The following TAFA1 variants were observed in gnomAD, a reference collection of about 807,000 sequenced individuals.
TAFA1 encodes chemokine-like protein TAFA-1.
In TAFA1, 4 loss-of-function variants were observed where a neutral mutation model predicts 18.5. The ratio of observed to expected loss-of-function variants is 0.22; its 90% confidence interval spans 0.11 to 0.49. The LOEUF (loss-of-function observed/expected upper bound fraction) is 0.49, where lower values mean the gene tolerates loss of function less well. TAFA1 is among the 20% of genes least tolerant of loss of function. The probability of loss-of-function intolerance (pLI) is 0.98; values close to 1 mark genes in which losing one functional copy is unlikely to be tolerated. For synonymous variants in TAFA1, 56 were observed against 55.2 expected, an observed-to-expected ratio of 1.01 and a Z score of -0.06; for missense variants, 147 against 169.0, an observed-to-expected ratio of 0.87 and a Z score of 0.72.
intron 2 of TAFA1, among the ~76,000 whole-genome samples, chr3:68,230,606 T>G (rs1442166576): frequency 1.3e-5 from 2 of 152,212 alleles, no homozygotes; most frequent in South Asian, 2.1e-4. Context: ...CTCTTCAATA[T>G]AGTGATTTTC....
At chr3:68,538,159 T>A (rs973569119) in intron 3 of TAFA1, among the ~76,000 whole-genome samples, 7 of 152,086 alleles carry the variant, frequency 4.6e-5, no homozygotes, top group African/African-American at 1.7e-4. Context: ...AATGCAAAAG[T>A]CTGAAAAAAT....
intron 3 of TAFA1, among the ~76,000 whole-genome samples, chr3:68,519,069 A>T (rs1207530102): frequency 6.6e-6 from 1 of 152,196 alleles, no homozygotes; most frequent in Non-Finnish European, 1.5e-5. Context: ...CTATAATACA[A>T]TATGTAAAAG....
the TAFA1 span, among the ~76,000 whole-genome samples, chr3:67,991,608 G>C: frequency 1.3e-5 from 2 of 152,154 alleles, no homozygotes; most frequent in African/African-American, 4.8e-5. Context: ...AGAACCCCAG[G>C]CTCTCCAGCC....
chr3:68,516,342 T>G (rs1011802063), intron 3 of TAFA1, among the ~76,000 whole-genome samples: 1 of 152,206 alleles, frequency 6.6e-6, no homozygotes. Flanking sequence ...GATACTAGAT[T>G]GATGACTTCT....
chr3:68,015,477 AG>A lies in TAFA1; in HGVS notation c.118+8736del, dbSNP rs554538161. Among the ~76,000 whole-genome samples the A allele has an allele frequency of 1.1e-4, 16 of 151,944 alleles. No homozygotes were observed. The South Asian group carries it at 3.1e-3, about 30-fold the overall frequency. ...AATTTTTATATTTTTAGAAGAGACG[AG>A]GGTTTCACCATGTTGGCCAGGCTGG... On this transcript the variant is annotated intron_variant, in intron 2 of 4. Coordinates refer to ENST00000478136, the MANE Select transcript of TAFA1 (RefSeq NM_213609.4).
At chr3:68,366,104 A>G (rs2069568304) in intron 2 of TAFA1, among the ~76,000 whole-genome samples, 1 of 151,010 alleles carries the variant, frequency 6.6e-6, no homozygotes, top group Non-Finnish European at 1.5e-5. Context: ...AAAAAAAAAA[A>G]GAAACCATCA....
At chr3:68,339,008 G>T (rs1575788770) in intron 2 of TAFA1, among the ~76,000 whole-genome samples, 1 of 152,206 alleles carries the variant, frequency 6.6e-6, no homozygotes, top group South Asian at 2.1e-4. Context: ...AGAGAAACAT[G>T]TAATACCTCT....
chr3:68,079,691 C>A (rs185603392), intron 2 of TAFA1, among the ~76,000 whole-genome samples: 2 of 152,134 alleles, frequency 1.3e-5, no homozygotes, highest in African/African-American at 4.8e-5. Flanking sequence ...TTTGTTATAA[C>A]TTGTGTTCTT....
At chr3:68,309,507 A>T (rs985741063) in intron 2 of TAFA1, among the ~76,000 whole-genome samples, 1 of 152,220 alleles carries the variant, frequency 6.6e-6, no homozygotes, top group Non-Finnish European at 1.5e-5. Context: ...AAGCCATGTA[A>T]TTAGACATTG....
At chr3:68,448,051 T>A (rs137907601) in intron 3 of TAFA1, among the ~76,000 whole-genome samples, 1 of 152,176 alleles carries the variant, frequency 6.6e-6, no homozygotes, top group South Asian at 2.1e-4. Context: ...GGAATTCTGC[T>A]GCAGTTGGTG....
At chr3:68,109,117 C>T (rs147099896) in intron 2 of TAFA1, among the ~76,000 whole-genome samples, 136 of 151,660 alleles carry the variant, frequency 9.0e-4, no homozygotes, top group African/African-American at 3.0e-3. Context: ...ATTGTTGACT[C>T]GATTATTTGC....
chr3:68,265,210 T>C (rs1041844315), intron 2 of TAFA1, among the ~76,000 whole-genome samples: 1 of 152,200 alleles, frequency 6.6e-6, no homozygotes, highest in Non-Finnish European at 1.5e-5. Flanking sequence ...ATCCCTTAGA[T>C]CTTGATCTCC....
At chr3:68,339,749 C>T (rs184582423) in intron 2 of TAFA1, among the ~76,000 whole-genome samples, 8 of 152,190 alleles carry the variant, frequency 5.3e-5, no homozygotes, top group Non-Finnish European at 8.8e-5. Flanking sequence ...CTTTTTTCCC[C>T]ACCTCTTTGC....
At chr3:68,040,611 G>A (rs1705143637) in intron 2 of TAFA1, among the ~76,000 whole-genome samples, 1 of 152,158 alleles carries the variant, frequency 6.6e-6, no homozygotes, top group Non-Finnish European at 1.5e-5. Flanking sequence ...CTAGTCCAGT[G>A]GCTCAGGAAG....
intron 2 of TAFA1, among the ~76,000 whole-genome samples, chr3:68,208,163 C>T (rs999720172): frequency 6.6e-6 from 1 of 151,906 alleles, no homozygotes; most frequent in Non-Finnish European, 1.5e-5. Context: ...AGGATATGGA[C>T]GTTTGGAAGC....
chr3:68,137,750 G>A (rs534127340), intron 2 of TAFA1, among the ~76,000 whole-genome samples: 11 of 152,240 alleles, frequency 7.2e-5, no homozygotes, highest in African/African-American at 1.9e-4. Flanking sequence ...CAAGAGGCCT[G>A]TAAGGAAAGG....
At chr3:68,336,426 A>G (rs571862005) in intron 2 of TAFA1, among the ~76,000 whole-genome samples, 4 of 152,304 alleles carry the variant, frequency 2.6e-5, no homozygotes, top group African/African-American at 7.2e-5. Context: ...AGAATTATCT[A>G]TATCTTATTT....
chr3:68,454,812 T>G (rs2071628313), intron 3 of TAFA1, among the ~76,000 whole-genome samples: 1 of 152,186 alleles, frequency 6.6e-6, no homozygotes, highest in Admixed American at 6.6e-5. Flanking sequence ...TCTGATTCAG[T>G]AGGCTAGGGT....
chr3:68,470,251 G>A (rs2071972859), intron 3 of TAFA1, among the ~76,000 whole-genome samples: 1 of 152,190 alleles, frequency 6.6e-6, no homozygotes, highest in Admixed American at 6.5e-5. Flanking sequence ...GGAACTGTGA[G>A]TCAATTAAAC....
Sources: gnomAD v4.1 joint callset for allele counts (sites outside exome capture counted in the v4.1 genomes callset) on GRCh38, gnomAD v4.1.1 for gene constraint, MANE v1.5 for transcripts, NCBI Gene and HGNC (gene_info 2026-07-23, HGNC 2026-07-21) for gene names.